The following SRPK1 variants were observed in gnomAD, a reference collection of about 807,000 sequenced individuals.
The protein encoded by SRPK1 is SFRS protein kinase 1.
SRPK1 carries 52 observed loss-of-function variants against 89.5 expected under a neutral mutation model. The observed-to-expected ratio is 0.58, with a 90% confidence interval of 0.46 to 0.73. SRPK1 has a LOEUF of 0.73. Among genes scored for constraint, SRPK1 ranks in the 30% least tolerant of loss-of-function variants. The probability of loss-of-function intolerance (pLI) is 0.00; values close to 1 mark genes in which losing one functional copy is unlikely to be tolerated. For missense variants in SRPK1, 603 were observed against 780.6 expected (o/e 0.77, Z 2.71); for synonymous variants, 255 against 270.2 (o/e 0.94, Z 0.55).
chr6:35,901,797 T>C (rs566690161), intron 2 of SRPK1, among the ~76,000 whole-genome samples: 1 of 152,360 alleles, frequency 6.6e-6, no homozygotes, highest in African/African-American at 2.4e-5. Context: ...AAAGATTTTT[T>C]TCTTTTGCAA....
In SRPK1 at chr6:35,920,497, G is replaced by A. The variant is rs200997879; in HGVS notation, c.45C>T (p.Thr15=). ...VLALQARKKR[T]KAKKDKAQRK... is the part of the protein sequence containing the mutation. ...TTTGGGCTTTGTCCTTCTTGGCCTT[G>A]GTCCTTTTCTTTCGGGCCTGGAGCG... is the stretch of plus-strand genomic sequence containing the variant. Residue 15 remains threonine, a synonymous_variant, in exon 2 of 16, where the codon ACC becomes ACT. Coordinates refer to ENST00000373825, the MANE Select transcript of SRPK1 (RefSeq NM_003137.5). 1.9e-6 allele frequency: 3 copies of A among 1,613,346 alleles called. No homozygotes were observed. The highest frequency in any genetic ancestry group is 1.7e-6 in the Non-Finnish European group (2 of 1,179,548).
At chr6:35,905,120 C>T (rs775610695) in intron 2 of SRPK1, 69 of 194,584 alleles carry the variant, frequency 3.5e-4, no homozygotes, top group Non-Finnish European at 6.3e-4. Context: ...GTACTCCAGC[C>T]TAGGTGACTG....
chr6:35,858,848 C>T (rs1769719077), intron 12 of SRPK1, among the ~76,000 whole-genome samples: 1 of 152,114 alleles, frequency 6.6e-6, no homozygotes, highest in Admixed American at 6.5e-5. Flanking sequence ...ATGTAGCAGA[C>T]CTATAGGGCA....
intron 13 of SRPK1, among the ~76,000 whole-genome samples, chr6:35,847,958 G>C (rs1172431402): frequency 6.6e-6 from 1 of 151,804 alleles, no homozygotes; most frequent in Non-Finnish European, 1.5e-5. Flanking sequence ...CTCCCAAGTA[G>C]CATGCACCAC....
chr6:35,911,207 G>A (rs1006272288), intron 2 of SRPK1, among the ~76,000 whole-genome samples: 4 of 152,194 alleles, frequency 2.6e-5, no homozygotes, highest in Admixed American at 6.5e-5. Flanking sequence ...ATGGGGAGAG[G>A]TAAAAATATC....
chr6:35,855,121 G>A (rs1391808944), intron 13 of SRPK1, among the ~76,000 whole-genome samples: 2 of 152,084 alleles, frequency 1.3e-5, no homozygotes, highest in African/African-American at 2.4e-5. Context: ...CTAACATGGT[G>A]AAACCCCGTC....
intron 12 of SRPK1, among the ~76,000 whole-genome samples, chr6:35,863,220 T>TA (rs1334243746): frequency 6.6e-6 from 1 of 151,926 alleles, no homozygotes; most frequent in Admixed American, 6.6e-5. Context: ...GCCTCAATAA[T>TA]AGACTGGAAC....
intron 13 of SRPK1, among the ~76,000 whole-genome samples, chr6:35,846,211 GCC>G (rs1243063444): frequency 6.6e-6 from 1 of 151,776 alleles, no homozygotes; most frequent in Non-Finnish European, 1.5e-5. Flanking sequence ...GATTGCTTGA[GCC>G]CAGGAGTTCA....
intron 2 of SRPK1, chr6:35,904,984 A>G (rs1384715075): frequency 9.0e-6 from 4 of 446,662 alleles, no homozygotes; most frequent in South Asian, 6.3e-5. Flanking sequence ...TCTACAAAAG[A>G]AAAGAAAAAA....
Position 35,888,897 on chromosome 6 carries a change from C to G in SRPK1, c.220G>C (p.Asp74His). ...ACATGGTATCTCCCATTGAATAGATCTCCAATTTTCACAAGATGATAACCT... is the reference window on the plus strand; with the variant it reads ...ACATGGTATCTCCCATTGAATAGATGTCCAATTTTCACAAGATGATAACCT... ...KGGYHLVKIGDLFNGRYHVIR... is the reference protein window; with the variant it reads ...KGGYHLVKIGHLFNGRYHVIR... The change falls in exon 4 of 16, where the codon GAT becomes CAT. Residue 74 changes from aspartate to histidine, a missense_variant. Transcript: ENST00000373825. The G allele has an allele frequency of 6.2e-7, 1 of 1,612,748 alleles. No individual in the cohort carries two copies.
intron 6 of SRPK1, among the ~76,000 whole-genome samples, chr6:35,884,465 A>G (rs532324222): frequency 6.6e-6 from 1 of 152,346 alleles, no homozygotes; most frequent in African/African-American, 2.4e-5. Context: ...CTGTGTGGGT[A>G]TGTTATGTTG....
At chr6:35,841,640 T>C (rs1018554246) in intron 14 of SRPK1, among the ~76,000 whole-genome samples, 33 of 152,198 alleles carry the variant, frequency 2.2e-4, no homozygotes, top group African/African-American at 6.7e-4. Flanking sequence ...GAGACCATCC[T>C]GGCCAACATG....
intron 2 of SRPK1, among the ~76,000 whole-genome samples, chr6:35,898,840 T>C (rs928733079): frequency 3.9e-5 from 6 of 152,106 alleles, no homozygotes; most frequent in African/African-American, 1.4e-4. Context: ...CAGTTCACAT[T>C]TTCCAAAACA....
At chr6:35,853,214 T>C (rs1769592988) in intron 13 of SRPK1, among the ~76,000 whole-genome samples, 1 of 151,930 alleles carries the variant, frequency 6.6e-6, no homozygotes, top group South Asian at 2.1e-4. Flanking sequence ...GGGGTTATAT[T>C]GAGTTATGAT....
chr6:35,906,616 C>T (rs1770853215), intron 2 of SRPK1, among the ~76,000 whole-genome samples: 1 of 152,162 alleles, frequency 6.6e-6, no homozygotes, highest in South Asian at 2.1e-4. Flanking sequence ...ATTCCATAGG[C>T]ACAGAAAGTA....
chr6:35,848,403 C>T (rs566309664), intron 13 of SRPK1, among the ~76,000 whole-genome samples: 3 of 152,172 alleles, frequency 2.0e-5, no homozygotes, highest in South Asian at 2.1e-4. Context: ...ACAAAAAATA[C>T]AAAAATAGTT....
At chr6:35,839,639 C>CT (rs11323977) in intron 14 of SRPK1, among the ~76,000 whole-genome samples, 29 of 143,564 alleles carry the variant, frequency 2.0e-4, no homozygotes, top group Middle Eastern at 3.4e-3. Context: ...TGCCCCCCCC[C>CT]TTTTTTTTTT....
chr6:35,864,218 T>G (rs1176437452), intron 12 of SRPK1, among the ~76,000 whole-genome samples: 2 of 152,112 alleles, frequency 1.3e-5, no homozygotes, highest in African/African-American at 4.8e-5. Context: ...AAACAGCTTC[T>G]GCACAGCAAA....
At chr6:35,851,982 A>G (rs9470137) in intron 13 of SRPK1, among the ~76,000 whole-genome samples, 3,187 of 152,332 alleles carry the variant, frequency 0.021, 120 homozygotes, top group African/African-American at 0.073. Context: ...ATACAGTTAT[A>G]TGAACTGACA....
Sources: allele counts gnomAD v4.1 joint callset (sites outside exome capture counted in the v4.1 genomes callset), GRCh38; gene constraint gnomAD v4.1.1; transcripts MANE v1.5; gene names NCBI Gene and HGNC (gene_info 2026-07-23, HGNC 2026-07-21).